Variants in SMYD3 observed in about 807,000 individuals in gnomAD.
The protein encoded by SMYD3 is SET and MYND domain containing 3, also known as histone-lysine N-methyltransferase SMYD3.
Under a neutral mutation model 57.7 loss-of-function variants are expected in SMYD3, and 36 were observed. The ratio of observed to expected loss-of-function variants is 0.62; its 90% confidence interval spans 0.48 to 0.82. SMYD3 has a LOEUF of 0.82. Among genes scored for constraint, SMYD3 ranks in the 40% least tolerant of loss-of-function variants. SMYD3 has a pLI of 0.00. For synonymous variants in SMYD3, 211 were observed against 195.0 expected (o/e 1.08, Z -0.68); for missense variants, 515 against 538.8 (o/e 0.96, Z 0.44).
chr1:245,790,895 T>A (rs1007981366), intron 10 of SMYD3, among the ~76,000 whole-genome samples: 4 of 152,196 alleles, frequency 2.6e-5, no homozygotes, highest in Admixed American at 2.0e-4. Context: ...TCTGCTTTCC[T>A]GAGCAAACTG....
chr1:245,932,651 C>T (rs2056789248), intron 5 of SMYD3, among the ~76,000 whole-genome samples: 1 of 152,118 alleles, frequency 6.6e-6, no homozygotes, highest in African/African-American at 2.4e-5. Context: ...CCTCGAACTC[C>T]GGAGCTCAAG....
chr1:246,095,684 C>T (rs1219260629), intron 5 of SMYD3, among the ~76,000 whole-genome samples: 2 of 152,184 alleles, frequency 1.3e-5, no homozygotes, highest in East Asian at 3.9e-4. Flanking sequence ...AGAAAAGCAG[C>T]CCGAGCAACA....
intron 8 of SMYD3, among the ~76,000 whole-genome samples, chr1:245,867,645 TGCGC>T: frequency 7.4e-6 from 1 of 135,244 alleles, no homozygotes; most frequent in Non-Finnish European, 1.6e-5. Context: ...GATATGTGCA[TGCGC>T]GTGCGTGTGC....
rs890482963 is a variant in SMYD3, at chr1:246,203,661, C to T, written c.531+123540G>A. On this transcript the variant is annotated intron_variant, in intron 5 of 11. Coordinates refer to ENST00000490107, the MANE Select transcript of SMYD3 (RefSeq NM_001167740.2). This position sits in a 1 kb window ranked among gnomAD's most constrained non-coding sequence, Gnocchi z 4.6. ...CTAAAGGCCTCATGTTAAATCACCT[C>T]TTCAAAGACCTTCTCTCCAAATATG... Among the ~76,000 whole-genome samples, 6 of 152,164 alleles carry T rather than the reference C, an allele frequency of 3.9e-5. No individual in the cohort carries two copies. Among genetic ancestry groups the T allele is most frequent in the Admixed American group, 2.0e-4 (3 of 15,282 alleles).
intron 1 of SMYD3, among the ~76,000 whole-genome samples, chr1:246,478,900 A>G (rs60387604): frequency 0.034 from 1,813 of 54,036 alleles, 512 homozygotes; most frequent in East Asian, 0.22. Context: ...GAGCTGGTAC[A>G]TAAGTGCTCG....
intron 9 of SMYD3, 79 bp downstream of exon 9, chr1:245,863,720 T>C (rs2051677582): frequency 7.4e-6 from 10 of 1,345,498 alleles, no homozygotes; most frequent in Non-Finnish European, 9.5e-6. Flanking sequence ...ACCCCGCCTC[T>C]GACCTCATTA....
chr1:245,802,064 G>T (rs2047895591), intron 10 of SMYD3, among the ~76,000 whole-genome samples: 1 of 152,238 alleles, frequency 6.6e-6, no homozygotes, highest in African/African-American at 2.4e-5. Context: ...TTAGGGCAGA[G>T]ATTCCTGGTG....
chr1:245,978,494 G>GT (rs1390394405), intron 5 of SMYD3, among the ~76,000 whole-genome samples: 1 of 152,254 alleles, frequency 6.6e-6, no homozygotes. Context: ...TTAAAGAGCT[G>GT]TTTTATAGAC....
chr1:246,392,747 C>A (rs1371381763), intron 1 of SMYD3, among the ~76,000 whole-genome samples: 1 of 150,470 alleles, frequency 6.6e-6, no homozygotes, highest in Non-Finnish European at 1.5e-5. Context: ...CCATGCCTGG[C>A]CTTGAAGGTA....
At chr1:245,782,350 A>T (rs138934372) in intron 10 of SMYD3, among the ~76,000 whole-genome samples, 1 of 152,362 alleles carries the variant, frequency 6.6e-6, no homozygotes, top group East Asian at 1.9e-4. Flanking sequence ...CTGCTCAAGC[A>T]GTATTTTTCA....
rs1426973320 is a variant in SMYD3, at chr1:245,976,926, TCTAGCCTAGGGAAAG to T, written c.532-47004_532-46990del. Among the ~76,000 whole-genome samples, 174 of 56,652 alleles carry T rather than the reference TCTAGCCTAGGGAAAG, an allele frequency of 3.1e-3. 8 individuals carry two copies. Among genetic ancestry groups the T allele is most frequent in the Non-Finnish European group, 4.4e-3 (107 of 24,554 alleles). 37.2% of individuals were successfully genotyped at this position (56,652 alleles called of 152,430 possible). A position where few individuals can be genotyped will look rare whatever the true frequency, so the allele number is the denominator to read the frequency against. On this transcript the variant is annotated intron_variant, in intron 5 of 11. Transcript: ENST00000490107. Reference sequence around the variant, plus strand: ...CTCTAGCCTAGGGAAAGCCATCGTCTCTAGCCTAGGGAAAGCCATCGTCTCTAGCCTAGGGAAAGC... The same window carrying T: ...CTCTAGCCTAGGGAAAGCCATCGTCTCCATCGTCTCTAGCCTAGGGAAAGC...
intron 1 of SMYD3, among the ~76,000 whole-genome samples, chr1:246,467,115 G>A (rs2067893266): frequency 1.3e-5 from 2 of 151,006 alleles, no homozygotes; most frequent in African/African-American, 2.4e-5. Flanking sequence ...GGTTGGAGTG[G>A]GCTGAGATCA....
At chr1:246,506,991 C>CCCCCCCCCCG in intron 1 of SMYD3, 63 bp downstream of exon 1, 1 of 815,394 alleles carries the variant, frequency 1.2e-6, no homozygotes, top group Non-Finnish European at 1.7e-6. Flanking sequence ...CGCCCGACGC[C>CCCCCCCCCCG]CCCCCCTCCC....
chr1:245,996,387 A>T (rs940111534), intron 5 of SMYD3, among the ~76,000 whole-genome samples: 17 of 152,222 alleles, frequency 1.1e-4, no homozygotes, highest in South Asian at 4.1e-4. Flanking sequence ...ATGTGTTGTG[A>T]TGAATGGACC....
intron 5 of SMYD3, among the ~76,000 whole-genome samples, chr1:246,287,077 G>A (rs1276463358): frequency 6.6e-6 from 1 of 151,838 alleles, no homozygotes; most frequent in African/African-American, 2.4e-5. Context: ...TCACCATGTT[G>A]GCCAGGCTGG....
chr1:245,862,763 A>G (rs12127706), intron 9 of SMYD3, among the ~76,000 whole-genome samples: 84,537 of 152,076 alleles, frequency 0.56, 26,684 homozygotes, highest in Non-Finnish European at 0.73. Context: ...ATCCCTTTCT[A>G]AAGTCTCGAT....
chr1:246,057,561 C>A (rs35468688), intron 5 of SMYD3, among the ~76,000 whole-genome samples: 1 of 152,146 alleles, frequency 6.6e-6, no homozygotes, highest in Non-Finnish European at 1.5e-5. Context: ...GATACCACTA[C>A]GCACATATTA....
At chr1:246,095,081 T>C (rs1307873974) in intron 5 of SMYD3, among the ~76,000 whole-genome samples, 3 of 152,174 alleles carry the variant, frequency 2.0e-5, no homozygotes, top group Non-Finnish European at 4.4e-5. Context: ...CAGGCTCCTC[T>C]TCTGGGCTTC....
At chr1:246,421,565 G>A (rs2067143212) in intron 1 of SMYD3, among the ~76,000 whole-genome samples, 2 of 151,782 alleles carry the variant, frequency 1.3e-5, no homozygotes, top group African/African-American at 4.8e-5. Context: ...TATATTAAAG[G>A]CAATATTTAT....
Sources: allele counts gnomAD v4.1 joint callset (sites outside exome capture counted in the v4.1 genomes callset), GRCh38; gene constraint gnomAD v4.1.1; non-coding constraint Gnocchi (gnomAD v3.1); transcripts MANE v1.5; gene names NCBI Gene and HGNC (gene_info 2026-07-23, HGNC 2026-07-21).